ACER3: variants seen among roughly 807,000 people sequenced by gnomAD.
The protein encoded by ACER3 is alkCDase 3.
ACER3 carries 16 observed loss-of-function variants against 48.9 expected under a neutral mutation model. That is an observed-to-expected ratio of 0.33 (90% CI 0.22 to 0.50). The LOEUF is 0.50. Ranked by LOEUF, ACER3 falls within the 20% of genes least tolerant of loss-of-function variation. ACER3 has a pLI of 0.98. For missense variants in ACER3, 227 were observed against 326.0 expected (o/e 0.70, Z 2.34); for synonymous variants, 109 against 107.8 (o/e 1.01, Z -0.07).
At chr11:76,996,283 G>C (rs1652682270) in intron 6 of ACER3, among the ~76,000 whole-genome samples, 2 of 151,990 alleles carry the variant, frequency 1.3e-5, no homozygotes, top group South Asian at 4.2e-4. Context: ...GTTATCATTG[G>C]TCTGTTTCCT....
At chr11:76,905,666 AC>A (rs1565169370) in intron 1 of ACER3, among the ~76,000 whole-genome samples, 2 of 152,252 alleles carry the variant, frequency 1.3e-5, no homozygotes, top group African/African-American at 4.8e-5. Flanking sequence ...AACATAGGAA[AC>A]AATCTAGAAT....
rs759145370 is a variant in ACER3 at position 76,985,703 on chromosome 11, A to G, written c.381A>G (p.Leu127=). The part of the protein sequence containing the change: ...VNYHLLFTLV[L]FSLIVTTVYL... ...ACCATCTGCTTTTTACCTTAGTTCT[A>G]TTCAGTTTAATAGTAACCACAGTAA... The change falls in exon 5 of 11, where the codon CTA becomes CTG. Residue 127 remains leucine (L), a synonymous_variant. Coordinates refer to ENST00000532485, the MANE Select transcript of ACER3 (RefSeq NM_018367.7). The G allele has an allele frequency of 3.8e-6, 6 of 1,559,788 alleles. No individual in the cohort carries two copies. Among genetic ancestry groups the G allele is most frequent in the East Asian group, 2.4e-5 (1 of 42,148 alleles).
At chr11:76,936,749 G>A (rs181191072) in intron 2 of ACER3, among the ~76,000 whole-genome samples, 6 of 142,770 alleles carry the variant, frequency 4.2e-5, no homozygotes, top group East Asian at 2.0e-4. Flanking sequence ...ACAGAGTCTC[G>A]CTCTGTCGCC....
Position 76,932,189 on chromosome 11 carries a change from A to G in ACER3, c.214+5522A>G, listed in dbSNP as rs12282970. 1.5e-3 allele frequency among the ~76,000 whole-genome samples: 229 copies of G among 152,228 alleles called. 2 individuals are homozygous for G. The highest frequency in any genetic ancestry group is 5.0e-3 in the African/African-American group (209 of 41,546). On this transcript the variant is annotated intron_variant, in intron 2 of 10. Transcript: ENST00000532485. ...AATCTCAAACTCCTGAGATCAAGCA[A>G]TCTTCCTGCCGTGGCCTCCCAAAGT...
intron 2 of ACER3, among the ~76,000 whole-genome samples, chr11:76,944,069 G>A (rs1947416054): frequency 6.6e-6 from 1 of 151,774 alleles, no homozygotes; most frequent in Admixed American, 6.6e-5. Context: ...TGAGTTTCTT[G>A]TATGTAGATA....
At chr11:76,958,714 T>C in intron 2 of ACER3, 5 of 468,120 alleles carry the variant, frequency 1.1e-5, no homozygotes, top group Non-Finnish European at 1.9e-5. Context: ...CATCAGATAA[T>C]ACATTTTACA....
chr11:76,861,134 C>T, intron 1 of ACER3, 55 bp downstream of exon 1: 1 of 1,482,358 alleles, frequency 6.7e-7, no homozygotes, highest in East Asian at 2.6e-5. Context: ...GCTGAGGAGA[C>T]GCCGTGTGAG....
chr11:76,908,789 C>A (rs186895005), intron 1 of ACER3, among the ~76,000 whole-genome samples: 417 of 152,116 alleles, frequency 2.7e-3, no homozygotes, highest in Non-Finnish European at 4.3e-3. Flanking sequence ...TCATATGGAA[C>A]CAAAAAAGAG....
chr11:77,000,536 T>C (rs1320521993), intron 7 of ACER3, among the ~76,000 whole-genome samples: 2 of 152,242 alleles, frequency 1.3e-5, no homozygotes, highest in Non-Finnish European at 2.9e-5. Context: ...AAAGACTGTA[T>C]AGTTTTACAT....
At chr11:76,922,647 C>T (rs1946716115) in intron 1 of ACER3, among the ~76,000 whole-genome samples, 1 of 152,120 alleles carries the variant, frequency 6.6e-6, no homozygotes, top group Non-Finnish European at 1.5e-5. Flanking sequence ...TCTGTGTGAA[C>T]ATTGTGCTAG....
At chr11:76,963,879 C>T (rs1342707424) in intron 3 of ACER3, among the ~76,000 whole-genome samples, 4 of 151,422 alleles carry the variant, frequency 2.6e-5, no homozygotes, top group South Asian at 2.1e-4. Context: ...CTACAACTCT[C>T]GGCGTTAGCG....
rs764566631 is a variant in ACER3, at chr11:76,959,101, G to T, written c.267+70G>T. The T allele has an allele frequency of 2.5e-6, 4 of 1,608,798 alleles. No homozygotes were observed. The South Asian group carries it at 3.3e-5, about 13-fold the overall frequency. On this transcript the variant is annotated intron_variant, in intron 3 of 10. Transcript: ENST00000532485. ...GAAGTACTTCAGATTTGAGAAAAGA[G>T]CACATAACTATGGCTAAAAGATGGG...
chr11:76,939,213 A>G (rs1161401778), intron 2 of ACER3, among the ~76,000 whole-genome samples: 1 of 152,250 alleles, frequency 6.6e-6, no homozygotes, highest in African/African-American at 2.4e-5. Context: ...GGCAAGAGTC[A>G]TCAGTGAATA....
chr11:76,958,815 C>T (rs1947911585), intron 2 of ACER3, 164 bp from the exon 3 acceptor site: 4 of 688,410 alleles, frequency 5.8e-6, no homozygotes. Flanking sequence ...ACCAAAATTT[C>T]ACCAATTATA....
At chr11:76,966,936 A>G (rs1163361876) in intron 3 of ACER3, among the ~76,000 whole-genome samples, 2 of 152,048 alleles carry the variant, frequency 1.3e-5, no homozygotes, top group Non-Finnish European at 2.9e-5. Flanking sequence ...AAGCTAGCAG[A>G]AGGCAAGAAA....
chr11:76,926,492 G>A (rs868805654), intron 1 of ACER3, 65 bp from the exon 2 acceptor site: 1 of 930,858 alleles, frequency 1.1e-6, no homozygotes, highest in Middle Eastern at 2.2e-4. Context: ...AAGCCTACGT[G>A]AATGTATCTT....
intron 7 of ACER3, among the ~76,000 whole-genome samples, chr11:77,005,098 C>T (rs1040806945): frequency 6.8e-5 from 10 of 146,118 alleles, no homozygotes; most frequent in South Asian, 2.1e-4. Flanking sequence ...AGAGCAGTGG[C>T]GCGATCTCAG....
intron 3 of ACER3, among the ~76,000 whole-genome samples, chr11:76,970,152 A>C (rs957325312): frequency 6.6e-6 from 1 of 152,064 alleles, no homozygotes; most frequent in African/African-American, 2.4e-5. Flanking sequence ...AAACTCCAAA[A>C]GGGTGAGGAT....
Position 77,020,597 on chromosome 11 carries a change from G to GA in ACER3, c.*273dup. The GA allele has an allele frequency of 2.7e-6, 1 of 372,980 alleles. No homozygotes were observed. Among genetic ancestry groups the GA allele is most frequent in the Non-Finnish European group, 4.9e-6 (1 of 204,948 alleles). The allele number at this position is 372,980 out of a possible 1,614,324, so 23.1% of individuals were successfully genotyped here. On this transcript the variant is annotated 3_prime_UTR_variant, in exon 11 of 11. Coordinates refer to ENST00000532485, the MANE Select transcript of ACER3 (RefSeq NM_018367.7). ...GATGTGTGTGTATGCCTCAAATGCA[G>GA]AAACAGTTGGGCTTTTCTTAACAGG...
Sources: gnomAD v4.1 joint callset for allele counts (sites outside exome capture counted in the v4.1 genomes callset) on GRCh38, gnomAD v4.1.1 for gene constraint, MANE v1.5 for transcripts, NCBI Gene and HGNC (gene_info 2026-07-23, HGNC 2026-07-21) for gene names.